NDUFAF2: variants seen among roughly 807,000 people sequenced by gnomAD.
NDUFAF2 encodes the protein NADH:ubiquinone oxidoreductase complex assembly factor 2.
Under a neutral mutation model 22.8 loss-of-function variants are expected in NDUFAF2, and 13 were observed. The observed-to-expected ratio is 0.57, with a 90% CI of 0.37 to 0.91. NDUFAF2 has a LOEUF of 0.91. Among genes scored for constraint, NDUFAF2 ranks in the 40% least tolerant of loss-of-function variants. The pLI, the probability that NDUFAF2 is intolerant of heterozygous loss-of-function variation, is 0.01. For missense variants in NDUFAF2, 162 were observed against 195.2 expected (o/e 0.83, Z 1.01); for synonymous variants, 53 against 64.2 (o/e 0.83, Z 0.84).
chr5:61,108,726 C>G (rs1171253450), intron 3 of NDUFAF2, among the ~76,000 whole-genome samples: 2 of 152,094 alleles, frequency 1.3e-5, no homozygotes, highest in Non-Finnish European at 2.9e-5. Flanking sequence ...TGTCCTTTCC[C>G]TAATATATGT....
intron 1 of NDUFAF2, among the ~76,000 whole-genome samples, chr5:60,946,551 G>A (rs546719660): frequency 6.6e-6 from 1 of 152,262 alleles, no homozygotes; most frequent in East Asian, 1.9e-4. Flanking sequence ...AACATAGCAT[G>A]GTGTTAAGTA....
intron 3 of NDUFAF2, among the ~76,000 whole-genome samples, chr5:61,145,519 C>G (rs1413179193): frequency 6.6e-6 from 1 of 152,172 alleles, no homozygotes; most frequent in Non-Finnish European, 1.5e-5. Context: ...TTTTTGAGCA[C>G]TATTAAGGCA....
chr5:60,963,531 T>C (rs1750717901), intron 1 of NDUFAF2, among the ~76,000 whole-genome samples: 1 of 152,236 alleles, frequency 6.6e-6, no homozygotes, highest in Non-Finnish European at 1.5e-5. Flanking sequence ...GGTCCCTGAC[T>C]CTGTGTTCTT....
At chr5:61,013,504 AC>A (rs1195428172) in intron 1 of NDUFAF2, among the ~76,000 whole-genome samples, 1 of 152,082 alleles carries the variant, frequency 6.6e-6, no homozygotes, top group African/African-American at 2.4e-5. Context: ...TTTATTTCTA[AC>A]TAGTTATTCT....
At position 61,108,999 on chromosome 5, in the gene NDUFAF2, T is replaced by C. The variant is rs141556425; in HGVS notation, c.258+9967T>C. Among the ~76,000 whole-genome samples the C allele has an allele frequency of 2.1e-4, 32 of 152,272 alleles. No individual in the cohort carries two copies. The East Asian group carries it at 4.4e-3, about 21-fold the overall frequency. ...TTTTTTTCTATTTCTGTGAATGTCA[T>C]TGGTATTTTGATAGGATTTGCATTG... On this transcript the variant is annotated intron_variant, in intron 3 of 3. Coordinates refer to ENST00000296597, the MANE Select transcript of NDUFAF2 (RefSeq NM_174889.5).
Position 61,010,727 on chromosome 5 carries a change from A to G in NDUFAF2, c.128-62398A>G, listed in dbSNP as rs538752704. On this transcript the variant is annotated intron_variant, in intron 1 of 3. Coordinates refer to ENST00000296597, the MANE Select transcript of NDUFAF2 (RefSeq NM_174889.5). ...TTCATCCCTTCTTCTTTCAGTAATA[A>G]GAACTCTAATTTTTAGCTGGACATA... Among the ~76,000 whole-genome samples, 3 of 152,280 alleles carry G rather than the reference A, an allele frequency of 2.0e-5. No homozygotes were observed. The South Asian group carries it at 6.2e-4, about 32-fold the overall frequency.
At chr5:61,084,761 T>C (rs1752486294) in intron 2 of NDUFAF2, among the ~76,000 whole-genome samples, 1 of 152,198 alleles carries the variant, frequency 6.6e-6, no homozygotes, top group Non-Finnish European at 1.5e-5. Flanking sequence ...CTTTTGATTA[T>C]TGTGAATAGT....
chr5:61,022,813 T>G (rs1350611371), intron 1 of NDUFAF2, among the ~76,000 whole-genome samples: 2 of 152,218 alleles, frequency 1.3e-5, no homozygotes, highest in African/African-American at 4.8e-5. Flanking sequence ...CCCAGCTAAT[T>G]TTTGTATTTT....
At chr5:61,031,997 A>G (rs1675670410) in intron 1 of NDUFAF2, among the ~76,000 whole-genome samples, 1 of 151,970 alleles carries the variant, frequency 6.6e-6, no homozygotes, top group Admixed American at 6.6e-5. Context: ...CTTTTTTTAT[A>G]TATGTTTGTT....
intron 1 of NDUFAF2, among the ~76,000 whole-genome samples, chr5:60,994,555 C>T (rs371042592): frequency 4.6e-5 from 7 of 152,290 alleles, no homozygotes; most frequent in Middle Eastern, 3.4e-3. Context: ...TCCAGATGGC[C>T]GCTGCTACCA....
Position 61,106,513 on chromosome 5 carries a change from A to G in NDUFAF2, c.258+7481A>G, listed in dbSNP as rs190012275. 2.4e-3 allele frequency among the ~76,000 whole-genome samples: 363 copies of G among 151,552 alleles called. 18 individuals are homozygous for G. The highest frequency in any genetic ancestry group is 8.7e-3 in the African/African-American group (357 of 40,888). On this transcript the variant is annotated intron_variant, in intron 3 of 3. Transcript: ENST00000296597. ...CATCAAGGTAAATGGGGTATTTATC[A>G]CCTCAAGCATTTATCCTTTCCTTGT...
intron 1 of NDUFAF2, among the ~76,000 whole-genome samples, chr5:61,046,688 G>C (rs929281845): frequency 6.1e-4 from 93 of 152,238 alleles, no homozygotes; most frequent in African/African-American, 2.2e-3. Flanking sequence ...TAAAATTCAA[G>C]ATAACCTTGG....
At chr5:61,059,947 G>C (rs540259178) in intron 1 of NDUFAF2, among the ~76,000 whole-genome samples, 1 of 152,004 alleles carries the variant, frequency 6.6e-6, no homozygotes, top group Non-Finnish European at 1.5e-5. Context: ...TTTTAATTGG[G>C]TATCTGTAAT....
intron 1 of NDUFAF2, among the ~76,000 whole-genome samples, chr5:60,954,450 T>C (rs957245569): frequency 1.3e-5 from 2 of 152,204 alleles, no homozygotes; most frequent in African/African-American, 4.8e-5. Context: ...GTCTCTATTT[T>C]GCAAATGTTG....
intron 3 of NDUFAF2, among the ~76,000 whole-genome samples, chr5:61,123,432 C>T (rs1362449674): frequency 6.6e-6 from 1 of 152,094 alleles, no homozygotes; most frequent in Non-Finnish European, 1.5e-5. Flanking sequence ...TTGTACTGAA[C>T]TGTATGTAGG....
Position 61,050,451 on chromosome 5 carries a change from C to T in NDUFAF2, c.128-22674C>T, listed in dbSNP as rs1161646923. ...CTACTCTATTGTTGCGCAAATGATA[C>T]TCTTCAAGGAAGGATTATGGCAGCC... On this transcript the variant is annotated intron_variant, in intron 1 of 3. Transcript: ENST00000296597. 3 of 152,052 alleles carry T rather than the reference C, an allele frequency of 2.0e-5. No individual in the cohort carries two copies. In the South Asian group the frequency reaches 6.2e-4, roughly 32 times the overall value. 9.4% of individuals were successfully genotyped at this position (152,052 alleles called of 1,614,324 possible). A position where few individuals can be genotyped will look rare whatever the true frequency, so the allele number is the denominator to read the frequency against.
chr5:61,099,045 A>G lies in NDUFAF2; in HGVS notation c.258+13A>G. The G allele has an allele frequency of 6.3e-7, 1 of 1,584,748 alleles. No individual in the cohort carries two copies. The highest frequency in any genetic ancestry group is 8.6e-7 in the Non-Finnish European group (1 of 1,157,022). On this transcript the variant is annotated intron_variant, in intron 3 of 3. Transcript: ENST00000296597. ...ACCTACTATGGAGGTAAGACTACAC[A>G]AGGAGGATATCATTTAGGAGTATAT... is the stretch of plus-strand genomic sequence containing the variant.
At chr5:61,037,421 T>G (rs1411260494) in intron 1 of NDUFAF2, among the ~76,000 whole-genome samples, 1 of 152,174 alleles carries the variant, frequency 6.6e-6, no homozygotes, top group Non-Finnish European at 1.5e-5. Context: ...ATGAGAGATT[T>G]TTTAAATAAT....
chr5:61,092,284 T>C (rs897110610), intron 2 of NDUFAF2, among the ~76,000 whole-genome samples: 4 of 152,234 alleles, frequency 2.6e-5, no homozygotes, highest in South Asian at 4.1e-4. Context: ...GGGAATAGCA[T>C]TGAATCTGTA....
Sources: gnomAD v4.1 joint callset for allele counts (sites outside exome capture counted in the v4.1 genomes callset) on GRCh38, gnomAD v4.1.1 for gene constraint, MANE v1.5 for transcripts, NCBI Gene and HGNC (gene_info 2026-07-23, HGNC 2026-07-21) for gene names.